FBXL17: variants seen among roughly 807,000 people sequenced by gnomAD.
FBXL17 encodes the protein F-box and leucine rich repeat protein 17.
Under a neutral mutation model 66.2 loss-of-function variants are expected in FBXL17, and 22 were observed. The observed-to-expected ratio is 0.33, with a 90% CI of 0.24 to 0.47. The LOEUF is 0.47. Ranked by LOEUF, FBXL17 falls within the 20% of genes least tolerant of loss-of-function variation. The probability of loss-of-function intolerance (pLI) is 1.00; values close to 1 mark genes in which losing one functional copy is unlikely to be tolerated. For missense variants in FBXL17, 878 were observed against 948.2 expected (o/e 0.93, Z 0.97); for synonymous variants, 474 against 400.5 (o/e 1.18, Z -2.19).
chr5:108,278,142 G>A (rs998958640), intron 4 of FBXL17, among the ~76,000 whole-genome samples: 1 of 152,132 alleles, frequency 6.6e-6, no homozygotes, highest in Admixed American at 6.5e-5. Context: ...GGGTCCTATT[G>A]AGGTCCACTT....
chr5:108,087,145 G>A (rs1046519762), intron 6 of FBXL17, among the ~76,000 whole-genome samples: 2 of 152,218 alleles, frequency 1.3e-5, no homozygotes, highest in East Asian at 3.8e-4. Flanking sequence ...CCCAACCTCT[G>A]AGCCTCTGTT....
At chr5:108,258,321 G>T (rs1756664468) in intron 4 of FBXL17, among the ~76,000 whole-genome samples, 1 of 152,118 alleles carries the variant, frequency 6.6e-6, no homozygotes, top group South Asian at 2.1e-4. Context: ...ATCCTCCAGA[G>T]TTCTGAGAAA....
intron 3 of FBXL17, 84 bp from the exon 4 acceptor site, chr5:108,348,614 A>C: frequency 2.8e-6 from 4 of 1,421,554 alleles, no homozygotes; most frequent in Non-Finnish European, 3.9e-6. Flanking sequence ...AATTTTTTGA[A>C]AATAACCACG....
At chr5:108,230,728 T>TTA (rs552325357) in intron 4 of FBXL17, among the ~76,000 whole-genome samples, 5 of 125,792 alleles carry the variant, frequency 4.0e-5, no homozygotes, top group African/African-American at 1.5e-4. Context: ...GAAATAAATT[T>TTA]AAAAAAAAAA....
intron 7 of FBXL17, among the ~76,000 whole-genome samples, chr5:107,963,098 T>G (rs1580255677): frequency 6.6e-6 from 1 of 152,306 alleles, no homozygotes; most frequent in Non-Finnish European, 1.5e-5. Context: ...ATTTTCTTTT[T>G]ATTATTTCTA....
At chr5:108,289,223 GATA>G (rs1395651001) in intron 4 of FBXL17, among the ~76,000 whole-genome samples, 1 of 152,086 alleles carries the variant, frequency 6.6e-6, no homozygotes, top group Non-Finnish European at 1.5e-5. Context: ...GTACATGCTT[GATA>G]ATGTGTTATT....
intron 6 of FBXL17, among the ~76,000 whole-genome samples, chr5:108,051,439 C>G (rs964514710): frequency 6.6e-6 from 1 of 152,072 alleles, no homozygotes; most frequent in Non-Finnish European, 1.5e-5. Context: ...TCAACATATG[C>G]AAATAAATAA....
intron 1 of FBXL17, 54 bp downstream of exon 1, chr5:108,380,645 G>T (rs1175913257): frequency 1.8e-6 from 2 of 1,101,230 alleles, no homozygotes; most frequent in Admixed American, 4.3e-5. Flanking sequence ...CCTCGGAGGC[G>T]GGGGCCGGGG....
intron 6 of FBXL17, among the ~76,000 whole-genome samples, chr5:108,088,606 C>T (rs1322107222): frequency 7.0e-6 from 1 of 142,270 alleles, no homozygotes; most frequent in South Asian, 2.3e-4. Flanking sequence ...GAGACTGATG[C>T]AGGAGAATCG....
chr5:108,148,324 C>T (rs1751639769), intron 6 of FBXL17, among the ~76,000 whole-genome samples: 1 of 152,194 alleles, frequency 6.6e-6, no homozygotes, highest in African/African-American at 2.4e-5. Context: ...TGATATTCCA[C>T]TGACACTTTC....
intron 6 of FBXL17, among the ~76,000 whole-genome samples, chr5:108,177,004 T>A (rs1244555279): frequency 3.3e-5 from 5 of 152,200 alleles, no homozygotes; most frequent in Admixed American, 2.6e-4. Context: ...TTGATGAAGA[T>A]AACTTTCTTC....
At chr5:107,883,696 C>T (rs1748868962) in intron 7 of FBXL17, among the ~76,000 whole-genome samples, 1 of 152,156 alleles carries the variant, frequency 6.6e-6, no homozygotes, top group Non-Finnish European at 1.5e-5. Flanking sequence ...AGCTCCTATT[C>T]ACTGCTGTCA....
intron 4 of FBXL17, among the ~76,000 whole-genome samples, chr5:108,334,991 C>A (rs1439642474): frequency 6.6e-6 from 1 of 152,180 alleles, no homozygotes; most frequent in Non-Finnish European, 1.5e-5. Flanking sequence ...ATTACAAATT[C>A]TACACTATTG....
rs183959841 is a variant in FBXL17, at chr5:107,987,643, G to A, written c.1822+33282C>T. 8.3e-4 allele frequency among the ~76,000 whole-genome samples: 126 copies of A among 151,950 alleles called. 1 individual carries two copies. Among genetic ancestry groups the A allele is most frequent in the African/African-American group, 2.7e-3 (111 of 41,504 alleles). On this transcript the variant is annotated intron_variant, in intron 7 of 8. Transcript: ENST00000542267. ...TGTGTCCAGAAGATAAAACCTCTTCGTGAAAATCTTGTCTACTATTTTTAA... is the reference window on the plus strand; with the variant it reads ...TGTGTCCAGAAGATAAAACCTCTTCATGAAAATCTTGTCTACTATTTTTAA...
chr5:107,946,063 G>A (rs1419653386), intron 7 of FBXL17, among the ~76,000 whole-genome samples: 1 of 151,038 alleles, frequency 6.6e-6, no homozygotes, highest in Non-Finnish European at 1.5e-5. Context: ...AGTCTGACCA[G>A]TCTACCACTT....
At chr5:108,185,920 C>T (rs1398131911) in intron 6 of FBXL17, among the ~76,000 whole-genome samples, 197 bp downstream of exon 6, 1 of 152,102 alleles carries the variant, frequency 6.6e-6, no homozygotes, top group Admixed American at 6.5e-5. Context: ...TATTAAAGCA[C>T]CTAAAAACTT....
intron 3 of FBXL17, among the ~76,000 whole-genome samples, chr5:108,362,349 T>C (rs1308867578): frequency 6.6e-6 from 1 of 152,160 alleles, no homozygotes; most frequent in African/African-American, 2.4e-5. Flanking sequence ...TCACATAATA[T>C]AGTAACAATG....
chr5:107,915,479 T>G lies in FBXL17; in HGVS notation c.1823-34300A>C, dbSNP rs534318953. Among the ~76,000 whole-genome samples, 70 of 152,316 alleles carry G rather than the reference T, an allele frequency of 4.6e-4. 1 individual carries two copies. The highest frequency in any genetic ancestry group is 1.6e-3 in the African/African-American group (67 of 41,570). ...ATAGGGGACTGGTTTATTCTTTATA[T>G]GTGAAGAAAAATTTCCACCAATAGT... is the stretch of plus-strand genomic sequence containing the variant. On this transcript the variant is annotated intron_variant, in intron 7 of 8. Transcript: ENST00000542267.
chr5:107,879,803 C>A (rs1217802036), intron 8 of FBXL17: 4 of 985,294 alleles, frequency 4.1e-6, no homozygotes, highest in African/African-American at 3.5e-5. Context: ...ACTTTCTGAG[C>A]AAGTATCTGA....
Sources: gnomAD v4.1 joint callset for allele counts (sites outside exome capture counted in the v4.1 genomes callset) on GRCh38, gnomAD v4.1.1 for gene constraint, MANE v1.5 for transcripts, NCBI Gene and HGNC (gene_info 2026-07-23, HGNC 2026-07-21) for gene names.